Variants in ZNF496 observed in about 807,000 individuals in gnomAD.
The protein encoded by ZNF496 is NSD1 (nuclear receptor binding SET-domain containing 1)-interacting zinc finger protein 1.
Under a neutral mutation model 58.9 loss-of-function variants are expected in ZNF496, and 11 were observed. The ratio of observed to expected loss-of-function variants is 0.19; its 90% CI spans 0.12 to 0.31. The LOEUF (loss-of-function observed/expected upper bound fraction) is 0.31, where lower values mean the gene tolerates loss of function less well. Among genes scored for constraint, ZNF496 ranks in the 10% least tolerant of loss-of-function variants. The pLI is 1.00. For synonymous variants in ZNF496, 338 were observed against 318.2 expected, an observed-to-expected ratio of 1.06 and a Z score of -0.66; for missense variants, 660 against 783.0, an observed-to-expected ratio of 0.84 and a Z score of 1.88.
rs951781804 is a variant in ZNF496, at chr1:247,309,344, G to A, written c.892+355C>T. On this transcript the variant is annotated intron_variant, in intron 8 of 9. Transcript: ENST00000682384. This position sits in a 1 kb window ranked among gnomAD's most constrained non-coding sequence, Gnocchi z 4.3. ...AAGGGCTGCGCTCGGTGCCCAGTTA[G>A]GAGACACTCCCTCTGCAACTAGGCT... 1.8e-6 allele frequency: 2 copies of A among 1,082,450 alleles called. No homozygotes were observed. The highest frequency in any genetic ancestry group is 2.3e-6 in the Non-Finnish European group (2 of 886,048). The allele number at this position is 1,082,450 out of a possible 1,614,324, so 67.1% of individuals were successfully genotyped here.
intron 7 of ZNF496, 135 bp downstream of exon 7, chr1:247,310,189 G>T: frequency 6.7e-7 from 1 of 1,491,180 alleles, no homozygotes; most frequent in Non-Finnish European, 8.9e-7. Flanking sequence ...TCCTGTCCAG[G>T]TTGGGGGTGA....
chr1:247,319,209 A>G (rs1251008143), intron 6 of ZNF496, among the ~76,000 whole-genome samples: 2 of 152,198 alleles, frequency 1.3e-5, no homozygotes, highest in African/African-American at 4.8e-5. Context: ...GCTGGTCTCA[A>G]ACTCCTGGGC....
intron 6 of ZNF496, among the ~76,000 whole-genome samples, chr1:247,319,349 T>C (rs1361789484): frequency 1.3e-5 from 2 of 152,238 alleles, no homozygotes; most frequent in East Asian, 3.8e-4. Flanking sequence ...AGATAAGTTA[T>C]GTATATATAA....
intron 9 of ZNF496, among the ~76,000 whole-genome samples, chr1:247,302,044 C>T (rs546690010): frequency 3.3e-5 from 5 of 152,226 alleles, no homozygotes; most frequent in Middle Eastern, 3.4e-3. Flanking sequence ...AACCACGGGG[C>T]GGGGCTGGGT....
intron 6 of ZNF496, among the ~76,000 whole-genome samples, chr1:247,322,274 C>A (rs773170969): frequency 6.6e-6 from 1 of 152,058 alleles, no homozygotes; most frequent in African/African-American, 2.4e-5. Context: ...CAAGGCAAGA[C>A]CCTGTCTCTA....
At chr1:247,301,443 C>G (rs947278042) in intron 9 of ZNF496, among the ~76,000 whole-genome samples, 167 bp from the exon 10 acceptor site, 2 of 152,180 alleles carry the variant, frequency 1.3e-5, no homozygotes, top group Non-Finnish European at 2.9e-5. Flanking sequence ...CTGGTGTAGC[C>G]TGTGAGGAAG....
At chr1:247,318,091 T>TAAG (rs1659843759) in intron 6 of ZNF496, among the ~76,000 whole-genome samples, 1 of 151,666 alleles carries the variant, frequency 6.6e-6, no homozygotes, top group African/African-American at 2.4e-5. Flanking sequence ...CAATATGAAA[T>TAAG]AAGAAGCTCA....
chr1:247,323,461 C>T (rs1245227621), intron 5 of ZNF496, among the ~76,000 whole-genome samples: 3 of 152,174 alleles, frequency 2.0e-5, no homozygotes, highest in Non-Finnish European at 4.4e-5. Context: ...CTGTAAACCA[C>T]AAAGATTGCT....
chr1:247,310,107 C>T, intron 7 of ZNF496: 7 of 1,431,268 alleles, frequency 4.9e-6, no homozygotes, highest in Non-Finnish European at 6.4e-6. Flanking sequence ...TTCTGATAAG[C>T]CTGATGTGGC....
At position 247,323,195 on chromosome 1, in the gene ZNF496, C is replaced by T. The variant is rs779872767; in HGVS notation, c.610G>A (p.Val204Met). The T allele has an allele frequency of 3.1e-6, 5 of 1,614,120 alleles. No homozygotes were observed. Among genetic ancestry groups the T allele is most frequent in the Non-Finnish European group, 4.2e-6 (5 of 1,179,966 alleles). Residue 204 changes from valine to methionine, a missense_variant, in exon 6 of 10, where the codon GTG becomes ATG. By Grantham distance (21) the Val-to-Met change is conservative. Coordinates refer to ENST00000682384, the MANE Select transcript of ZNF496 (RefSeq NM_032752.3). ...QDAFLLQEEN[V>M]RDTQQVTTLQ... ...GTGGTCACCTGCTGTGTGTCCCGCA[C>T]ATTCTCTTCCTGAAGAAGGAAAGCA...
intron 9 of ZNF496, among the ~76,000 whole-genome samples, chr1:247,302,405 G>A (rs1054207782): frequency 1.3e-5 from 2 of 152,102 alleles, no homozygotes; most frequent in African/African-American, 4.8e-5. Flanking sequence ...GTCTGGGAGT[G>A]GGTACTGAGT....
chr1:247,320,816 G>A (rs1163746801), intron 6 of ZNF496, among the ~76,000 whole-genome samples: 2 of 152,274 alleles, frequency 1.3e-5, no homozygotes, highest in African/African-American at 4.8e-5. Context: ...AATGTCCATC[G>A]ACAGATGAAT....
At chr1:247,319,950 T>C (rs116253902) in intron 6 of ZNF496, among the ~76,000 whole-genome samples, 1,556 of 152,224 alleles carry the variant, frequency 0.01, 24 homozygotes, top group African/African-American at 0.034. Flanking sequence ...ACATATATAC[T>C]ATCTAAAAGT....
intron 6 of ZNF496, among the ~76,000 whole-genome samples, chr1:247,322,348 G>A (rs954151651): frequency 1.3e-5 from 2 of 152,142 alleles, no homozygotes; most frequent in African/African-American, 4.8e-5. Context: ...CTCAGCTTCC[G>A]ACATTCTGCT....
intron 6 of ZNF496, among the ~76,000 whole-genome samples, chr1:247,317,226 C>G (rs1181123103): frequency 6.6e-6 from 1 of 152,122 alleles, no homozygotes; most frequent in Non-Finnish European, 1.5e-5. Flanking sequence ...ACAGTATGTG[C>G]TAAGTTCACT....
chr1:247,323,157 G>C lies in ZNF496; in HGVS notation c.648C>G (p.Pro216=), dbSNP rs1660014967. The part of the protein sequence containing the change: ...DTQQVTTLQL[P]PSRVSPFKDM... Reference sequence around the variant, plus strand: ...GACTCCTGTAGAAACCACTCACCGGGGGTAGCTGGAGGGTGGTCACCTGCT... The same window carrying C: ...GACTCCTGTAGAAACCACTCACCGGCGGTAGCTGGAGGGTGGTCACCTGCT... The change falls in exon 6 of 10, where the codon CCC becomes CCG. Residue 216 remains proline (P), a synonymous_variant. Transcript: ENST00000682384. 3 of 1,613,394 alleles carry C rather than the reference G, an allele frequency of 1.9e-6. No individual in the cohort carries two copies. The highest frequency in any genetic ancestry group is 2.7e-5 in the African/African-American group (2 of 74,910).
intron 5 of ZNF496, among the ~76,000 whole-genome samples, chr1:247,323,438 C>A (rs560153683): frequency 5.8e-4 from 88 of 152,258 alleles, no homozygotes; most frequent in African/African-American, 1.8e-3. Context: ...AAATGACGCA[C>A]ATGAAAAGTA....
chr1:247,302,724 G>C (rs995002410), intron 9 of ZNF496, among the ~76,000 whole-genome samples: 3 of 152,076 alleles, frequency 2.0e-5, no homozygotes, highest in African/African-American at 7.2e-5. Flanking sequence ...CTCTGAGCTT[G>C]GGTCATCTCG....
Position 247,329,805 on chromosome 1 carries a change from C to A in ZNF496, c.-38+161G>T, listed in dbSNP as rs142047867. On this transcript the variant is annotated intron_variant, in intron 3 of 9. Transcript: ENST00000682384. The surrounding 1 kb of genome is among the most constrained non-coding windows in gnomAD (Gnocchi z 5.5). ...AACAGACAGAAAGATGCCCTCCCCCCATCAGTACCATTACGTGTGGATTCC... is the reference window on the plus strand; with the variant it reads ...AACAGACAGAAAGATGCCCTCCCCCAATCAGTACCATTACGTGTGGATTCC... Among the ~76,000 whole-genome samples the A allele has an allele frequency of 4.6e-3, 693 of 152,268 alleles. 3 individuals carry two copies. The highest frequency in any genetic ancestry group is 0.016 in the African/African-American group (661 of 41,554).
Sources: gnomAD v4.1 joint callset for allele counts (sites outside exome capture counted in the v4.1 genomes callset) on GRCh38, gnomAD v4.1.1 for gene constraint, Gnocchi (gnomAD v3.1) non-coding constraint, MANE v1.5 for transcripts, NCBI Gene and HGNC (gene_info 2026-07-23, HGNC 2026-07-21) for gene names.